Variants in CDH20 observed in about 807,000 individuals in gnomAD.
CDH20 encodes the protein cadherin 20.
Under a neutral mutation model 74.2 loss-of-function variants are expected in CDH20, and 29 were observed. That is an observed-to-expected ratio of 0.39 (90% confidence interval 0.29 to 0.53). The LOEUF (loss-of-function observed/expected upper bound fraction) is 0.53, where lower values mean the gene tolerates loss of function less well. CDH20 is among the 20% of genes least tolerant of loss of function. The probability of loss-of-function intolerance (pLI) is 0.69; values close to 1 mark genes in which losing one functional copy is unlikely to be tolerated. For missense variants in CDH20, 988 were observed against 1,048.3 expected, an observed-to-expected ratio of 0.94 and a Z score of 0.79; for synonymous variants, 469 against 405.4, an observed-to-expected ratio of 1.16 and a Z score of -1.88.
intron 1 of CDH20, among the ~76,000 whole-genome samples, chr18:61,410,317 A>G (rs1912454406): frequency 6.6e-6 from 1 of 152,240 alleles, no homozygotes; most frequent in Admixed American, 6.5e-5. Context: ...TAATCAACGT[A>G]CAATAAAGCT....
intron 2 of CDH20, among the ~76,000 whole-genome samples, chr18:61,494,155 C>T (rs1011966033): frequency 2.6e-5 from 4 of 152,110 alleles, no homozygotes; most frequent in African/African-American, 9.7e-5. Flanking sequence ...GCAGGGAAGC[C>T]CAGACTGAAA....
chr18:61,497,289 T>A (rs576817436), intron 2 of CDH20, among the ~76,000 whole-genome samples: 3 of 152,316 alleles, frequency 2.0e-5, no homozygotes, highest in South Asian at 4.1e-4. Flanking sequence ...AACCATTGCC[T>A]GCATGATTTG....
At chr18:61,449,142 TA>T (rs1191236985) in intron 1 of CDH20, among the ~76,000 whole-genome samples, 1 of 152,186 alleles carries the variant, frequency 6.6e-6, no homozygotes, top group African/African-American at 2.4e-5. Flanking sequence ...CCTCCACCTT[TA>T]CCACTCAAAC....
At chr18:61,415,832 A>C (rs766698216) in intron 1 of CDH20, among the ~76,000 whole-genome samples, 69 of 152,216 alleles carry the variant, frequency 4.5e-4, no homozygotes, top group Non-Finnish European at 7.6e-4. Flanking sequence ...ATCTCCTCTT[A>C]TACTATTCTT....
intron 1 of CDH20, among the ~76,000 whole-genome samples, chr18:61,347,800 A>C (rs1390651186): frequency 6.6e-6 from 1 of 152,178 alleles, no homozygotes; most frequent in African/African-American, 2.4e-5. Context: ...AGGAGGGGAA[A>C]TGCCATATGT....
At chr18:61,406,933 T>A (rs1245146515) in intron 1 of CDH20, among the ~76,000 whole-genome samples, 1 of 152,134 alleles carries the variant, frequency 6.6e-6, no homozygotes, top group East Asian at 1.9e-4. Context: ...AAGCATTGAA[T>A]AAGAATATGA....
intron 1 of CDH20, among the ~76,000 whole-genome samples, chr18:61,390,603 T>C (rs1205253382): frequency 6.6e-6 from 1 of 152,100 alleles, no homozygotes; most frequent in Admixed American, 6.6e-5. Flanking sequence ...ATAACAGTAA[T>C]TAAAACAGCG....
At chr18:61,427,156 C>A (rs960147950) in intron 1 of CDH20, among the ~76,000 whole-genome samples, 1 of 151,946 alleles carries the variant, frequency 6.6e-6, no homozygotes, top group Non-Finnish European at 1.5e-5. Flanking sequence ...TGTAGATTTC[C>A]GTTCACTTCC....
At chr18:61,388,835 C>T (rs1165406296) in intron 1 of CDH20, among the ~76,000 whole-genome samples, 1 of 152,166 alleles carries the variant, frequency 6.6e-6, no homozygotes, top group Admixed American at 6.6e-5. Flanking sequence ...CTCTGCTCCT[C>T]CATCTACTAG....
chr18:61,489,055 G>A (rs1910866906), intron 1 of CDH20, among the ~76,000 whole-genome samples: 1 of 152,214 alleles, frequency 6.6e-6, no homozygotes, highest in Non-Finnish European at 1.5e-5. Context: ...CTTCAGAGCT[G>A]GAGCTCATAA....
intron 7 of CDH20, among the ~76,000 whole-genome samples, chr18:61,532,956 AC>A (rs1912697691): frequency 6.6e-6 from 1 of 152,138 alleles, no homozygotes; most frequent in South Asian, 2.1e-4. Context: ...TTCAAGTCTT[AC>A]CTCTTAAATT....
In CDH20 at chr18:61,531,843, C is replaced by T. The variant is rs575713766; in HGVS notation, c.1271+3623C>T. Among the ~76,000 whole-genome samples, 6 of 152,308 alleles carry T rather than the reference C, an allele frequency of 3.9e-5. No homozygotes were observed. In the East Asian group the frequency reaches 1.2e-3, roughly 29 times the overall value. Reference sequence around the variant, plus strand: ...CCCTTGGCACTTATTCTCTCTCCTACCACCATGTGAAGGACATGTTTGCGT... The same window carrying T: ...CCCTTGGCACTTATTCTCTCTCCTATCACCATGTGAAGGACATGTTTGCGT... On this transcript the variant is annotated intron_variant, in intron 7 of 11. Transcript: ENST00000262717.
At chr18:61,461,878 T>A (rs1464380832) in intron 1 of CDH20, among the ~76,000 whole-genome samples, 1 of 152,112 alleles carries the variant, frequency 6.6e-6, no homozygotes, top group African/African-American at 2.4e-5. Flanking sequence ...AAGGTTACAC[T>A]CCTATGCGAA....
At chr18:61,457,805 G>C (rs1208140301) in intron 1 of CDH20, among the ~76,000 whole-genome samples, 1 of 152,144 alleles carries the variant, frequency 6.6e-6, no homozygotes, top group Non-Finnish European at 1.5e-5. Flanking sequence ...AGAAAGCTGA[G>C]AATTCTCCAG....
rs1369311022 is a variant in CDH20, at chr18:61,538,618, TTG to T, written c.1409-404_1409-403del. 2.7e-4 allele frequency among the ~76,000 whole-genome samples: 16 copies of T among 58,264 alleles called. 3 individuals are homozygous for T. Among genetic ancestry groups the T allele is most frequent in the Admixed American group, 4.6e-4 (2 of 4,342 alleles). The allele number at this position is 58,264 out of a possible 152,430, so 38.2% of individuals were successfully genotyped here. Reference sequence around the variant, plus strand: ...TTTGTTTTTGTTTTTGTTTTTGTTTTTGTTTTGTTTTTTTTTTTGAGACGGAG... The same window carrying T: ...TTTGTTTTTGTTTTTGTTTTTGTTTTTTTTGTTTTTTTTTTTGAGACGGAG... On this transcript the variant is annotated intron_variant, in intron 8 of 11. Transcript: ENST00000262717.
In CDH20 at chr18:61,514,811, T is replaced by G. The variant is rs552987506; in HGVS notation, c.1017+7251T>G. Reference sequence around the variant, plus strand: ...GGGGGTGCCTCCCAGTTAGGCTGCTTGGGGGTCAGGGGTCAGGGACCCACT... The same window carrying G: ...GGGGGTGCCTCCCAGTTAGGCTGCTGGGGGGTCAGGGGTCAGGGACCCACT... On this transcript the variant is annotated intron_variant, in intron 6 of 11. Coordinates refer to ENST00000262717, the MANE Select transcript of CDH20 (RefSeq NM_031891.4). Among the ~76,000 whole-genome samples the G allele has an allele frequency of 4.8e-3, 732 of 152,050 alleles. 4 individuals carry two copies. Among genetic ancestry groups the G allele is most frequent in the African/African-American group, 0.016 (681 of 41,462 alleles).
intron 6 of CDH20, among the ~76,000 whole-genome samples, chr18:61,519,731 A>G (rs1449544568): frequency 3.3e-5 from 5 of 151,206 alleles, no homozygotes; most frequent in Admixed American, 1.3e-4. Context: ...CAAAATAACC[A>G]GCTGGCATCA....
chr18:61,422,321 T>C (rs979227175), intron 1 of CDH20, among the ~76,000 whole-genome samples: 3 of 152,210 alleles, frequency 2.0e-5, no homozygotes, highest in Non-Finnish European at 4.4e-5. Flanking sequence ...AGCTGCTTTA[T>C]GGGTTGTCAA....
At chr18:61,398,859 T>A (rs1396645153) in intron 1 of CDH20, among the ~76,000 whole-genome samples, 1 of 152,120 alleles carries the variant, frequency 6.6e-6, no homozygotes, top group Non-Finnish European at 1.5e-5. Flanking sequence ...AAGGATATAT[T>A]TACTGTGGGA....
Sources: gnomAD v4.1 joint callset for allele counts (sites outside exome capture counted in the v4.1 genomes callset) on GRCh38, gnomAD v4.1.1 for gene constraint, MANE v1.5 for transcripts, NCBI Gene and HGNC (gene_info 2026-07-23, HGNC 2026-07-21) for gene names.